Variants in GFRA2 observed in about 807,000 individuals in gnomAD.
The protein encoded by GFRA2 is GDNF family receptor alpha 2, also known as GDNF family receptor alpha-2.
A neutral mutation model predicts 48.3 loss-of-function variants in GFRA2; 17 were observed. The observed-to-expected ratio is 0.35, with a 90% CI of 0.24 to 0.53. The LOEUF (loss-of-function observed/expected upper bound fraction) is 0.53. GFRA2 is among the 20% of genes least tolerant of loss of function. The probability of loss-of-function intolerance (pLI) is 0.93; values close to 1 mark genes in which losing one functional copy is unlikely to be tolerated. For synonymous variants in GFRA2, 305 were observed against 257.2 expected (o/e 1.19, Z -1.78); for missense variants, 660 against 637.3 (o/e 1.04, Z -0.38).
In GFRA2 at chr8:21,750,509, G is replaced by C; in HGVS notation, c.794+79C>G. ...AGGGTCATAATTCGATGCACCCAAG[G>C]AATGCAGAGAAAGGAAAACACAGCC... On this transcript the variant is annotated intron_variant, in intron 4 of 8. Coordinates refer to ENST00000524240, the MANE Select transcript of GFRA2 (RefSeq NM_001495.5). The surrounding 1 kb of genome is among the most constrained non-coding windows in gnomAD (Gnocchi z 5.7). 3.9e-6 allele frequency: 3 copies of C among 769,508 alleles called. No individual in the cohort carries two copies. In the South Asian group the frequency reaches 5.2e-5, roughly 13 times the overall value. 47.7% of individuals were successfully genotyped at this position (769,508 alleles called of 1,614,324 possible). A position where few individuals can be genotyped will look rare whatever the true frequency, so the allele number is the denominator to read the frequency against.
chr8:21,753,546 G>A (rs989837173), intron 3 of GFRA2, among the ~76,000 whole-genome samples: 7 of 152,042 alleles, frequency 4.6e-5, no homozygotes, highest in Admixed American at 4.6e-4. Context: ...TTGAACCCGG[G>A]AGGCAGAGGT....
At chr8:21,749,893 T>C (rs909423732) in intron 4 of GFRA2, among the ~76,000 whole-genome samples, 7 of 152,088 alleles carry the variant, frequency 4.6e-5, no homozygotes, top group African/African-American at 1.7e-4. Flanking sequence ...CACAGGGTTA[T>C]TGTGAACGTT....
Position 21,806,029 on chromosome 8 carries a change from C to T in GFRA2, c.-147-901G>A, listed in dbSNP as rs542528662. Among the ~76,000 whole-genome samples, 36 of 152,334 alleles carry T rather than the reference C, an allele frequency of 2.4e-4. 1 individual carries two copies. The highest frequency in any genetic ancestry group is 4.1e-4 in the South Asian group (2 of 4,830). On this transcript the variant is annotated intron_variant, in intron 1 of 10. Coordinates refer to the GFRA2 transcript ENST00000517328. The stretch of plus-strand genomic sequence containing the variant: ...CCAAGGGATGGGCGCCTCTGGTAAA[C>T]GACCTCTTGCTGGTCCTATAACTGC...
chr8:21,736,538 T>G (rs1448813289), intron 4 of GFRA2, among the ~76,000 whole-genome samples: 1 of 152,128 alleles, frequency 6.6e-6, no homozygotes, highest in African/African-American at 2.4e-5. Flanking sequence ...ACTCTGTTGC[T>G]GGGCTGCAAT....
intron 7 of GFRA2, among the ~76,000 whole-genome samples, chr8:21,697,168 G>C (rs796927319): frequency 1.9e-5 from 1 of 52,396 alleles, no homozygotes; most frequent in Non-Finnish European, 4.4e-5. Flanking sequence ...ACAGAGGATA[G>C]GGGAGGGGAC....
chr8:21,747,308 T>C (rs1368131884), intron 4 of GFRA2, among the ~76,000 whole-genome samples: 2 of 152,124 alleles, frequency 1.3e-5, no homozygotes, highest in Admixed American at 6.6e-5. Context: ...TATCCCAGCA[T>C]CCAGGAAGCT....
At chr8:21,779,379 A>G (rs1806862269) in intron 2 of GFRA2, among the ~76,000 whole-genome samples, 1 of 152,130 alleles carries the variant, frequency 6.6e-6, no homozygotes, top group Admixed American at 6.5e-5. Context: ...AGCCAGTGAC[A>G]TGGGAAGGGC....
intron 3 of GFRA2, 64 bp downstream of exon 3, chr8:21,774,908 C>A: frequency 2.3e-6 from 2 of 882,760 alleles, no homozygotes; most frequent in South Asian, 2.8e-5. Flanking sequence ...AAGCCCAGAG[C>A]TCCATCTGCC....
intron 3 of GFRA2, among the ~76,000 whole-genome samples, chr8:21,766,820 G>A (rs563810964): frequency 7.2e-6 from 1 of 138,924 alleles, no homozygotes; most frequent in African/African-American, 2.7e-5. Context: ...CCACCCACAC[G>A]CTCCACACAC....
intron 3 of GFRA2, among the ~76,000 whole-genome samples, chr8:21,766,516 T>G (rs565234263): frequency 6.6e-6 from 1 of 151,706 alleles, no homozygotes. Flanking sequence ...GCTCCCCGAG[T>G]TAGCGCGGAA....
At position 21,782,898 on chromosome 8, in the gene GFRA2, G is replaced by A; in HGVS notation, c.42C>T (p.Asp14=). The A allele has an allele frequency of 1.3e-6, 2 of 1,550,778 alleles. No individual in the cohort carries two copies. Among genetic ancestry groups the A allele is most frequent in the Admixed American group, 1.9e-5 (1 of 52,524 alleles). The change falls in exon 2 of 9, where the codon GAC becomes GAT. Residue 14 remains aspartate, a splice_region_variant and synonymous_variant. Coordinates refer to ENST00000524240, the MANE Select transcript of GFRA2 (RefSeq NM_001495.5). The part of the protein sequence containing the change: ...ANVFCLFFFL[D]ETLRSLASPS... ...GGCTGGCCAAAGAGCGGAGGGTCTC[G>A]TCTGGGTGGTGGGGAGGGAAGACAA...
chr8:21,750,848 G>T lies in GFRA2; in HGVS notation c.534C>A (p.Arg178=). The part of the protein sequence containing the change: ...CNLNDNCKKL[R]SSYISICNRE... ...GGTTGCAGATGGAGATGTAGGAGGA[G>T]CGCAGCTTCTTGCAGTTGTCATTCA... Residue 178 remains arginine, a synonymous_variant, in exon 4 of 9, where the codon CGC becomes CGA. Transcript: ENST00000524240. This position sits in a 1 kb window ranked among gnomAD's most constrained non-coding sequence, Gnocchi z 5.7. The T allele has an allele frequency of 6.2e-7, 1 of 1,613,936 alleles. No homozygotes were observed.
chr8:21,775,184 G>C, intron 2 of GFRA2, 129 bp from the exon 3 acceptor site: 2 of 637,804 alleles, frequency 3.1e-6, no homozygotes, highest in South Asian at 1.9e-5. Context: ...AAGAGACAGG[G>C]CAGCCCTTCC....
chr8:21,735,155 G>A (rs778243756), intron 4 of GFRA2, among the ~76,000 whole-genome samples: 1 of 152,186 alleles, frequency 6.6e-6, no homozygotes, highest in Non-Finnish European at 1.5e-5. Flanking sequence ...TGTGTCACGG[G>A]CTCACATCCT....
At chr8:21,735,529 C>T (rs1167402439) in intron 4 of GFRA2, among the ~76,000 whole-genome samples, 4 of 151,968 alleles carry the variant, frequency 2.6e-5, no homozygotes, top group Admixed American at 1.3e-4. Flanking sequence ...TGTGTGGAGA[C>T]GAACCCTTCC....
At chr8:21,721,819 A>C in intron 4 of GFRA2, among the ~76,000 whole-genome samples, 1 of 152,126 alleles carries the variant, frequency 6.6e-6, no homozygotes, top group East Asian at 1.9e-4. Context: ...GGAAGCAGGG[A>C]GGACCAGGCA....
At chr8:21,767,785 G>A (rs1433628013) in intron 3 of GFRA2, among the ~76,000 whole-genome samples, 1 of 152,336 alleles carries the variant, frequency 6.6e-6, no homozygotes, top group Non-Finnish European at 1.5e-5. Context: ...CCATGAAAGA[G>A]GCTTTGGTTG....
chr8:21,784,452 C>CA, intron 1 of GFRA2: 1 of 412,774 alleles, frequency 2.4e-6, no homozygotes, highest in Non-Finnish European at 5.0e-6. Context: ...CCATCCCTAC[C>CA]CAGAACAGCC....
intron 2 of GFRA2, among the ~76,000 whole-genome samples, chr8:21,796,495 A>G (rs984277045): frequency 1.5e-4 from 23 of 152,256 alleles, no homozygotes; most frequent in Non-Finnish European, 3.1e-4. Flanking sequence ...CAAAAGGCAC[A>G]GGTCCGACTG....
Sources: allele counts gnomAD v4.1 joint callset (sites outside exome capture counted in the v4.1 genomes callset), GRCh38; gene constraint gnomAD v4.1.1; non-coding constraint Gnocchi (gnomAD v3.1); transcripts MANE v1.5; gene names NCBI Gene and HGNC (gene_info 2026-07-23, HGNC 2026-07-21).